ZNF521: variants seen among roughly 807,000 people sequenced by gnomAD.
ZNF521 encodes the protein LYST-interacting protein 3.
In ZNF521, 14 loss-of-function variants were observed where a neutral mutation model predicts 105.5. That is an observed-to-expected ratio of 0.13 (90% CI 0.09 to 0.21). The LOEUF is 0.21. Among genes scored for constraint, ZNF521 ranks in the 10% least tolerant of loss-of-function variants. The pLI is 1.00. For missense variants in ZNF521, 1,233 were observed against 1,629.7 expected (o/e 0.76, Z 4.19); for synonymous variants, 635 against 606.0 (o/e 1.05, Z -0.70).
At chr18:25,094,049 AATT>A (rs1237909551) in intron 5 of ZNF521, among the ~76,000 whole-genome samples, 3 of 152,170 alleles carry the variant, frequency 2.0e-5, no homozygotes, top group Non-Finnish European at 4.4e-5. Flanking sequence ...CTCCTTTTAA[AATT>A]ATGTGTGCTT....
At chr18:25,129,063 C>G (rs2034589362) in intron 5 of ZNF521, among the ~76,000 whole-genome samples, 1 of 151,664 alleles carries the variant, frequency 6.6e-6, no homozygotes, top group African/African-American at 2.4e-5. Context: ...TATAAAACTA[C>G]AGAAATCAAG....
intron 3 of ZNF521, among the ~76,000 whole-genome samples, chr18:25,298,156 T>A (rs551519260): frequency 2.0e-4 from 30 of 152,322 alleles, no homozygotes; most frequent in African/African-American, 7.2e-4. Flanking sequence ...AGACTAGTCT[T>A]CAGTTTCATT....
At chr18:25,214,873 A>G (rs761187655) in intron 4 of ZNF521, among the ~76,000 whole-genome samples, 4 of 152,144 alleles carry the variant, frequency 2.6e-5, no homozygotes, top group African/African-American at 7.2e-5. Flanking sequence ...AGAATAATCA[A>G]TGGCTCCTGG....
chr18:25,242,844 C>T (rs1907437426), intron 3 of ZNF521, among the ~76,000 whole-genome samples: 1 of 152,158 alleles, frequency 6.6e-6, no homozygotes, highest in African/African-American at 2.4e-5. Context: ...AATGTCAAAG[C>T]AGGCTACAAC....
At chr18:25,196,961 G>A (rs1176071176) in intron 4 of ZNF521, among the ~76,000 whole-genome samples, 1 of 151,578 alleles carries the variant, frequency 6.6e-6, no homozygotes, top group Non-Finnish European at 1.5e-5. Flanking sequence ...ACAATATGTC[G>A]AAAACTGTCT....
intron 3 of ZNF521, among the ~76,000 whole-genome samples, chr18:25,252,102 C>T (rs1057400627): frequency 4.6e-5 from 7 of 152,090 alleles, no homozygotes; most frequent in Non-Finnish European, 4.4e-5. Flanking sequence ...ATGTATGTGG[C>T]TAATAGCTTT....
At chr18:25,124,568 C>T (rs1236327846) in intron 5 of ZNF521, among the ~76,000 whole-genome samples, 3 of 152,122 alleles carry the variant, frequency 2.0e-5, no homozygotes, top group African/African-American at 7.2e-5. Flanking sequence ...CTGAACATTT[C>T]CCCCTTTTCT....
intron 5 of ZNF521, among the ~76,000 whole-genome samples, chr18:25,100,293 T>A (rs367962699): frequency 1.8e-4 from 27 of 152,262 alleles, no homozygotes; most frequent in East Asian, 7.7e-4. Context: ...AATGTTATGG[T>A]CCTTGACAAC....
At chr18:25,101,362 C>T (rs1327779290) in intron 5 of ZNF521, among the ~76,000 whole-genome samples, 1 of 152,060 alleles carries the variant, frequency 6.6e-6, no homozygotes, top group African/African-American at 2.4e-5. Flanking sequence ...CCCTGCATAT[C>T]CCAACGGACA....
At chr18:25,345,064 TTCAACTTATG>T (rs1226435682) in intron 2 of ZNF521, among the ~76,000 whole-genome samples, 1 of 152,228 alleles carries the variant, frequency 6.6e-6, no homozygotes, top group African/African-American at 2.4e-5. Flanking sequence ...AATAATATGC[TTCAACTTATG>T]TCAACAAGTA....
chr18:25,144,119 G>A (rs1377160098), intron 5 of ZNF521, among the ~76,000 whole-genome samples: 2 of 152,250 alleles, frequency 1.3e-5, no homozygotes, highest in East Asian at 1.9e-4. Context: ...AACTCCCACA[G>A]TGTATCCTAG....
intron 7 of ZNF521, among the ~76,000 whole-genome samples, chr18:25,078,761 G>C (rs1265074100): frequency 2.0e-5 from 3 of 152,192 alleles, no homozygotes; most frequent in Non-Finnish European, 4.4e-5. Context: ...ACTATGAAAC[G>C]TTGCACATTA....
chr18:25,289,289 T>C (rs1910876871), intron 3 of ZNF521, among the ~76,000 whole-genome samples: 1 of 152,212 alleles, frequency 6.6e-6, no homozygotes, highest in African/African-American at 2.4e-5. Context: ...TCCTAAAAAG[T>C]ATTGTGAATA....
At chr18:25,137,437 C>T (rs1353411948) in intron 5 of ZNF521, among the ~76,000 whole-genome samples, 1 of 152,140 alleles carries the variant, frequency 6.6e-6, no homozygotes, top group Non-Finnish European at 1.5e-5. Flanking sequence ...ATTCCTCTGA[C>T]AGTTCCTAAC....
intron 2 of ZNF521, among the ~76,000 whole-genome samples, chr18:25,337,065 C>T (rs1019204149): frequency 6.6e-6 from 1 of 152,140 alleles, no homozygotes; most frequent in African/African-American, 2.4e-5. Flanking sequence ...TCTAGTTTAA[C>T]ACCCATGTTC....
chr18:25,335,495 C>T (rs954894227), intron 2 of ZNF521, among the ~76,000 whole-genome samples: 1 of 152,296 alleles, frequency 6.6e-6, no homozygotes, highest in Non-Finnish European at 1.5e-5. Context: ...CACCCGCACC[C>T]AATACCCTTT....
chr18:25,200,433 T>A (rs936605599), intron 4 of ZNF521, among the ~76,000 whole-genome samples: 1 of 152,070 alleles, frequency 6.6e-6, no homozygotes, highest in African/African-American at 2.4e-5. Context: ...AACTGTACCT[T>A]TACGTGTATT....
At chr18:25,109,025 T>C (rs2034130682) in intron 5 of ZNF521, among the ~76,000 whole-genome samples, 1 of 152,172 alleles carries the variant, frequency 6.6e-6, no homozygotes, top group Non-Finnish European at 1.5e-5. Flanking sequence ...TGCATAATGG[T>C]GAGATCTGGA....
chr18:25,097,713 C>T (rs185651681), intron 5 of ZNF521, among the ~76,000 whole-genome samples: 4 of 152,278 alleles, frequency 2.6e-5, no homozygotes, highest in Admixed American at 6.5e-5. Context: ...TTAGGTATCT[C>T]AAGAGCCGCA....
Sources: allele counts gnomAD v4.1 joint callset (sites outside exome capture counted in the v4.1 genomes callset), GRCh38; gene constraint gnomAD v4.1.1; transcripts MANE v1.5; gene names NCBI Gene and HGNC (gene_info 2026-07-23, HGNC 2026-07-21).